The following CSMD2 variants were observed in gnomAD, a reference collection of about 807,000 sequenced individuals.
The protein encoded by CSMD2 is CUB and sushi domain-containing protein 2.
In CSMD2, 130 loss-of-function variants were observed where a neutral mutation model predicts 398.5. That is an observed-to-expected ratio of 0.33 (90% CI 0.28 to 0.38). The LOEUF is 0.38. Ranked by LOEUF, CSMD2 falls within the 10% of genes least tolerant of loss-of-function variation. The pLI, the probability that CSMD2 is intolerant of heterozygous loss-of-function variation, is 1.00. For synonymous variants in CSMD2, 1,828 were observed against 1,908.5 expected, an observed-to-expected ratio of 0.96 and a Z score of 1.10; for missense variants, 3,829 against 4,764.9, an observed-to-expected ratio of 0.80 and a Z score of 5.78.
intron 40 of CSMD2, among the ~76,000 whole-genome samples, chr1:33,612,861 T>TC (rs386353888): frequency 0.02 from 2,975 of 151,548 alleles, 94 homozygotes; most frequent in African/African-American, 0.068. Flanking sequence ...TTTTGTATTT[T>TC]AGTAGAGACG....
At chr1:33,640,773 A>G (rs1011169184) in intron 29 of CSMD2, among the ~76,000 whole-genome samples, 34 of 152,214 alleles carry the variant, frequency 2.2e-4, no homozygotes, top group African/African-American at 7.7e-4. Context: ...AATTTTTCCA[A>G]CAAACATGCA....
At position 33,908,061 on chromosome 1, in the gene CSMD2, G is replaced by C. The variant is rs1643214488; in HGVS notation, c.920+10033C>G. Among the ~76,000 whole-genome samples, 3 of 140,060 alleles carry C rather than the reference G, an allele frequency of 2.1e-5. No individual in the cohort carries two copies. In the Admixed American group the frequency reaches 2.3e-4, roughly 11 times the overall value. The allele number at this position is 140,060 out of a possible 152,430, so 91.9% of individuals were successfully genotyped here. A position where few individuals can be genotyped will look rare whatever the true frequency, so the allele number is the denominator to read the frequency against. On this transcript the variant is annotated intron_variant, in intron 5 of 70. Transcript: ENST00000373381. ...AGATTGTGACATTGCACTCCAGCCT[G>C]GCTGACAGAGCAAGACTCCATCTCA... is the stretch of plus-strand genomic sequence containing the variant.
At chr1:34,133,316 A>G (rs1638344348) in intron 1 of CSMD2, among the ~76,000 whole-genome samples, 1 of 152,182 alleles carries the variant, frequency 6.6e-6, no homozygotes, top group African/African-American at 2.4e-5. Flanking sequence ...AGCCTTGCAA[A>G]ATAATGATGG....
intron 3 of CSMD2, among the ~76,000 whole-genome samples, chr1:34,026,289 T>C (rs1342915577): frequency 6.7e-6 from 1 of 150,044 alleles, no homozygotes; most frequent in Non-Finnish European, 1.5e-5. Flanking sequence ...TCTTGTACTA[T>C]GCCACCTTTC....
intron 3 of CSMD2, among the ~76,000 whole-genome samples, chr1:34,016,858 C>T (rs992073818): frequency 2.6e-5 from 4 of 152,098 alleles, no homozygotes; most frequent in Non-Finnish European, 4.4e-5. Context: ...GAAAACGTGC[C>T]ACATTTAGCT....
chr1:33,945,759 C>T (rs773003207), intron 3 of CSMD2, among the ~76,000 whole-genome samples: 20 of 152,100 alleles, frequency 1.3e-4, no homozygotes, highest in Non-Finnish European at 2.1e-4. Context: ...CTTCATCCTG[C>T]GGCCTATGTG....
chr1:34,118,812 T>C (rs1416863108), intron 1 of CSMD2, among the ~76,000 whole-genome samples: 3 of 152,224 alleles, frequency 2.0e-5, no homozygotes, highest in East Asian at 1.9e-4. Flanking sequence ...TCCATGTCCA[T>C]GAGTTGGAAG....
chr1:34,159,637 T>C (rs1044194640), intron 1 of CSMD2, among the ~76,000 whole-genome samples: 13 of 152,220 alleles, frequency 8.5e-5, no homozygotes, highest in Admixed American at 3.9e-4. Flanking sequence ...TCTGAACCTG[T>C]TTCTTCATCT....
chr1:33,803,257 T>G (rs906566940), intron 10 of CSMD2, among the ~76,000 whole-genome samples: 2 of 152,196 alleles, frequency 1.3e-5, no homozygotes, highest in African/African-American at 4.8e-5. Flanking sequence ...ATTTTCTTAT[T>G]CTCTTCAGTC....
At chr1:33,879,916 C>G (rs928223130) in intron 5 of CSMD2, among the ~76,000 whole-genome samples, 2 of 152,144 alleles carry the variant, frequency 1.3e-5, no homozygotes, top group Admixed American at 6.5e-5. Context: ...ATATGTAACA[C>G]TCATTGAGAG....
chr1:33,740,823 A>G (rs1484837357), intron 14 of CSMD2, among the ~76,000 whole-genome samples: 1 of 152,168 alleles, frequency 6.6e-6, no homozygotes, highest in Admixed American at 6.5e-5. Flanking sequence ...ACACACACAT[A>G]CACGCGCGCG....
At chr1:33,964,330 T>C (rs908538392) in intron 3 of CSMD2, among the ~76,000 whole-genome samples, 2 of 152,176 alleles carry the variant, frequency 1.3e-5, no homozygotes, top group Non-Finnish European at 2.9e-5. Context: ...AAGAAGTACA[T>C]AGAATGTACT....
chr1:33,629,494 T>C (rs1419547468), intron 32 of CSMD2, among the ~76,000 whole-genome samples: 2 of 152,168 alleles, frequency 1.3e-5, no homozygotes, highest in African/African-American at 4.8e-5. Context: ...TTGCTAGATA[T>C]ACAAGAAGAC....
intron 10 of CSMD2, among the ~76,000 whole-genome samples, chr1:33,797,027 C>T (rs563585542): frequency 3.2e-4 from 49 of 152,276 alleles, no homozygotes; most frequent in South Asian, 3.1e-3. Context: ...TCTCTGCTCT[C>T]GAACCCTGTT....
intron 5 of CSMD2, chr1:33,864,282 C>A (rs1639786422): frequency 1.2e-6 from 2 of 1,613,140 alleles, no homozygotes. Context: ...CAAGGAGCAG[C>A]AGCCAAATAC....
intron 49 of CSMD2, 146 bp from the exon 50 acceptor site, chr1:33,572,837 G>A: frequency 1.9e-6 from 1 of 524,964 alleles, no homozygotes; most frequent in South Asian, 5.6e-5. Context: ...GAAAATGGGA[G>A]GATCATCAGC....
chr1:33,925,024 C>A (rs1285628946), intron 4 of CSMD2, among the ~76,000 whole-genome samples: 2 of 151,988 alleles, frequency 1.3e-5, no homozygotes, highest in South Asian at 4.1e-4. Context: ...TTGATGGTTT[C>A]TTTTTCTGTG....
chr1:33,662,818 T>C (rs1644180584), intron 26 of CSMD2, 72 bp downstream of exon 26: 1 of 1,342,780 alleles, frequency 7.4e-7, no homozygotes, highest in African/African-American at 1.4e-5. Flanking sequence ...TGAAGGAAAG[T>C]GAGGGCCAGA....
intron 5 of CSMD2, among the ~76,000 whole-genome samples, chr1:33,880,644 T>G (rs1641173199): frequency 6.6e-6 from 1 of 152,218 alleles, no homozygotes; most frequent in African/African-American, 2.4e-5. Flanking sequence ...CCATAAAGAT[T>G]TTATGAGTCC....
Sources: allele counts gnomAD v4.1 joint callset (sites outside exome capture counted in the v4.1 genomes callset), GRCh38; gene constraint gnomAD v4.1.1; transcripts MANE v1.5; gene names NCBI Gene and HGNC (gene_info 2026-07-23, HGNC 2026-07-21).